The following P3H2 variants were observed in gnomAD, a reference collection of about 807,000 sequenced individuals.
P3H2 encodes the protein leprecan-like 1.
A neutral mutation model predicts 87.0 loss-of-function variants in P3H2; 80 were observed. That is an observed-to-expected ratio of 0.92 (90% CI 0.77 to 1.11). The LOEUF is 1.11. P3H2 is among the 50% of genes least tolerant of loss of function. The pLI is 0.00. For synonymous variants in P3H2, 367 were observed against 359.3 expected, an observed-to-expected ratio of 1.02 and a Z score of -0.24; for missense variants, 1,001 against 923.9, an observed-to-expected ratio of 1.08 and a Z score of -1.08.
At chr3:190,064,686 A>G (rs1246057919) in intron 1 of P3H2, among the ~76,000 whole-genome samples, 3 of 152,132 alleles carry the variant, frequency 2.0e-5, no homozygotes, top group Non-Finnish European at 4.4e-5. Flanking sequence ...AACAGTCTAA[A>G]TGTACATATT....
chr3:190,111,184 A>T (rs925871149), intron 1 of P3H2, among the ~76,000 whole-genome samples: 1 of 152,236 alleles, frequency 6.6e-6, no homozygotes, highest in Non-Finnish European at 1.5e-5. Context: ...ACAGTAGTGC[A>T]AGGAATAACA....
chr3:190,075,562 C>G (rs1726845732), intron 1 of P3H2, among the ~76,000 whole-genome samples: 1 of 151,870 alleles, frequency 6.6e-6, no homozygotes, highest in Non-Finnish European at 1.5e-5. Context: ...CATAAAATCT[C>G]ATGTGATTTC....
intron 1 of P3H2, among the ~76,000 whole-genome samples, chr3:190,064,696 T>G (rs913896263): frequency 1.3e-5 from 2 of 152,132 alleles, no homozygotes; most frequent in African/African-American, 4.8e-5. Flanking sequence ...ATGTACATAT[T>G]TATAATAACA....
Position 190,120,444 on chromosome 3 carries a change from G to A in P3H2, c.288C>T (p.Pro96=). Residue 96 remains proline, a synonymous_variant, in exon 1 of 15, where the codon CCC becomes CCT. Coordinates refer to ENST00000319332, the MANE Select transcript of P3H2 (RefSeq NM_018192.4). ...CGCCGGGGCCCTCGCCGGGGGGCGGGGGCGGGAGCGGGTGGCGCGCCGCGC... is the reference window on the plus strand; with the variant it reads ...CGCCGGGGCCCTCGCCGGGGGGCGGAGGCGGGAGCGGGTGGCGCGCCGCGC... The part of the protein sequence containing the change: ...RHCAARHPLP[P]PPPGEGPGAE... 1 of 1,430,398 alleles carries A rather than the reference G, an allele frequency of 7.0e-7. No individual in the cohort carries two copies. Among genetic ancestry groups the A allele is most frequent in the Non-Finnish European group, 9.1e-7 (1 of 1,102,932 alleles). The allele number at this position is 1,430,398 out of a possible 1,614,324, so 88.6% of individuals were successfully genotyped here.
intron 1 of P3H2, among the ~76,000 whole-genome samples, chr3:190,076,732 T>C (rs972561291): frequency 1.3e-5 from 2 of 152,156 alleles, no homozygotes; most frequent in Non-Finnish European, 2.9e-5. Context: ...GGCTGCTTGG[T>C]GGAAACAGGG....
chr3:189,987,651 G>A lies in P3H2; in HGVS notation c.974C>T (p.Ala325Val). 1 of 1,614,074 alleles carries A rather than the reference G, an allele frequency of 6.2e-7. No individual in the cohort carries two copies. The highest frequency in any genetic ancestry group is 8.5e-7 in the Non-Finnish European group (1 of 1,180,030). ...AAGATAGGCTTTGGCACACTCCAGG[G>A]CTTTCACATACTCACCAACTGAAAG... is the stretch of plus-strand genomic sequence containing the variant. ...AYYRVGEYVK[A>V]LECAKAYLLC... Residue 325 changes from alanine to valine, a missense_variant, in exon 5 of 15, where the codon GCC becomes GTC. Coordinates refer to ENST00000319332, the MANE Select transcript of P3H2 (RefSeq NM_018192.4).
intron 1 of P3H2, among the ~76,000 whole-genome samples, chr3:190,057,610 G>A (rs892503979): frequency 1.1e-4 from 17 of 149,466 alleles, no homozygotes; most frequent in African/African-American, 3.9e-4. Flanking sequence ...TGGTGTGGAC[G>A]CTGAGAGGAA....
In P3H2 at chr3:189,957,487, G is replaced by T; in HGVS notation, c.*425C>A. 2.6e-6 allele frequency: 1 copy of T among 384,416 alleles called. No individual in the cohort carries two copies. The allele number at this position is 384,416 out of a possible 1,614,324, so 23.8% of individuals were successfully genotyped here. ...TGTGTGTGTGTGTGTGTGTTTGGGG[G>T]AGGAGGTGAACTGGGCTTTGATAGA... On this transcript the variant is annotated 3_prime_UTR_variant, in exon 15 of 15. Coordinates refer to ENST00000319332, the MANE Select transcript of P3H2 (RefSeq NM_018192.4).
chr3:190,015,589 C>A (rs1041944460), intron 1 of P3H2, among the ~76,000 whole-genome samples: 1 of 152,088 alleles, frequency 6.6e-6, no homozygotes, highest in Non-Finnish European at 1.5e-5. Context: ...TTTCGACCAA[C>A]CTTGAACTAC....
At chr3:189,967,436 A>G (rs971419653) in intron 13 of P3H2, among the ~76,000 whole-genome samples, 1 of 147,406 alleles carries the variant, frequency 6.8e-6, no homozygotes, top group Non-Finnish European at 1.5e-5. Context: ...TTAAGCATCA[A>G]GCATTTCCAA....
At chr3:189,975,579 A>C (rs1052444579) in intron 8 of P3H2, among the ~76,000 whole-genome samples, 1 of 152,190 alleles carries the variant, frequency 6.6e-6, no homozygotes, top group Non-Finnish European at 1.5e-5. Context: ...GTGCTTGTCC[A>C]TAGCAACAGC....
intron 8 of P3H2, among the ~76,000 whole-genome samples, chr3:189,980,941 G>A (rs1259404702): frequency 1.3e-5 from 2 of 152,210 alleles, no homozygotes; most frequent in African/African-American, 4.8e-5. Context: ...TGGGAAAGGA[G>A]TTTGGGGCCT....
rs1807799 is a variant in P3H2 at position 189,957,228 on chromosome 3, G to A, written c.*684C>T. ...TGATACCTGAGGCAGCGTGGACTCT[G>A]CCAGGGGCTCCTCAGACCCAAAGTG... On this transcript the variant is annotated 3_prime_UTR_variant, in exon 15 of 15. Coordinates refer to ENST00000319332, the MANE Select transcript of P3H2 (RefSeq NM_018192.4). The A allele has an allele frequency of 0.042, 16,918 of 399,290 alleles. 484 individuals are homozygous for A. The highest frequency in any genetic ancestry group is 0.053 in the Non-Finnish European group (11,946 of 226,662). The allele number at this position is 399,290 out of a possible 1,614,324, so 24.7% of individuals were successfully genotyped here.
intron 13 of P3H2, among the ~76,000 whole-genome samples, chr3:189,966,102 GAAAAAAGAAAGAAAGAAA>G (rs1722977131): frequency 9.4e-6 from 1 of 106,290 alleles, no homozygotes; most frequent in Admixed American, 9.4e-5. Context: ...AAGAAAGAAA[GAAAAAAGAAAGAAAGAAA>G]GAAAAAGAAA....
intron 6 of P3H2, among the ~76,000 whole-genome samples, chr3:189,985,070 A>T (rs968071519): frequency 6.6e-6 from 1 of 152,046 alleles, no homozygotes. Flanking sequence ...AAATATTAAT[A>T]TATTAGAAGG....
At position 190,120,389 on chromosome 3, in the gene P3H2, C is replaced by T. The variant is rs1453031452; in HGVS notation, c.343G>A (p.Gly115Arg). The change falls in exon 1 of 15, where the codon GGG becomes AGG. Residue 115 changes from glycine to arginine, a missense_variant. By Grantham distance (125) the Gly-to-Arg change is moderately radical. Coordinates refer to ENST00000319332, the MANE Select transcript of P3H2 (RefSeq NM_018192.4). ...AELPLFRSLL[G>R]RARCYRSCET... ...CAGCTGCGATAACAGCGCGCCCGCC[C>T]CAACAAGGAGCGGAAAAGGGGCAGC... The T allele has an allele frequency of 1.3e-6, 2 of 1,547,392 alleles. No individual in the cohort carries two copies. The highest frequency in any genetic ancestry group is 1.7e-6 in the Non-Finnish European group (2 of 1,152,674).
At chr3:190,041,938 G>C (rs1044664920) in intron 1 of P3H2, among the ~76,000 whole-genome samples, 5 of 152,160 alleles carry the variant, frequency 3.3e-5, no homozygotes, top group African/African-American at 1.2e-4. Flanking sequence ...TTCTTACCTA[G>C]TTTGTTTTCA....
At position 189,995,350 on chromosome 3, in the gene P3H2, G is replaced by T; in HGVS notation, c.573C>A (p.Tyr191Ter). ...ATGCTTCAACACCAGCTGTCGCCCT[G>T]TAATTCTCAATGTTCTGCTGCATTT... The part of the protein sequence containing the change: ...HMEMQQNIEN[Y>*]RATAGVEALQ... Residue 191 changes from tyrosine (Y) to a stop codon, truncating the protein, a stop_gained, in exon 2 of 15, where the codon TAC becomes TAA. Transcript: ENST00000319332. LOFTEE classifies it high-confidence loss of function. The T allele has an allele frequency of 6.2e-7, 1 of 1,614,044 alleles. No homozygotes were observed. The highest frequency in any genetic ancestry group is 1.1e-5 in the South Asian group (1 of 91,080).
At chr3:190,036,955 T>TAC (rs1725444197) in intron 1 of P3H2, among the ~76,000 whole-genome samples, 1 of 151,542 alleles carries the variant, frequency 6.6e-6, no homozygotes, top group African/African-American at 2.4e-5. Context: ...AATATATATA[T>TAC]ATATTTACTT....
Sources: gnomAD v4.1 joint callset for allele counts (sites outside exome capture counted in the v4.1 genomes callset) on GRCh38, gnomAD v4.1.1 for gene constraint, MANE v1.5 for transcripts, NCBI Gene and HGNC (gene_info 2026-07-23, HGNC 2026-07-21) for gene names.